Variants in NXPH3 observed in about 807,000 individuals in gnomAD.
NXPH3 encodes the protein neurexophilin 3, also known as neurexophilin-3.
Under a neutral mutation model 18.8 loss-of-function variants are expected in NXPH3, and 7 were observed. The observed-to-expected ratio is 0.37, with a 90% confidence interval of 0.21 to 0.70. The LOEUF is 0.70. NXPH3 is among the 30% of genes least tolerant of loss of function. The pLI, the probability that NXPH3 is intolerant of heterozygous loss-of-function variation, is 0.53. For missense variants in NXPH3, 282 were observed against 338.1 expected (o/e 0.83, Z 1.30); for synonymous variants, 101 against 137.3 (o/e 0.74, Z 1.85).
chr17:49,579,036 C>T lies in NXPH3; in HGVS notation c.495C>T (p.Ile165=), dbSNP rs760932473. 3.3e-5 allele frequency: 53 copies of T among 1,614,032 alleles called. No homozygotes were observed. The Middle Eastern group carries it at 8.2e-4, about 25-fold the overall frequency. ...TCCACCAGGAACAGCAGATCTTCAT[C>T]GAAGCCAAGGCCTCCAAAATCTTCA... ...VEFHQEQQIF[I]EAKASKIFNC... is the part of the protein sequence containing the mutation. Residue 165 remains isoleucine, a synonymous_variant, in exon 2 of 2, where the codon ATC becomes ATT. Transcript: ENST00000328741. The surrounding 1 kb of genome is among the most constrained non-coding windows in gnomAD (Gnocchi z 6.0).
chr17:49,577,599 G>C (rs1947099032), intron 1 of NXPH3, among the ~76,000 whole-genome samples: 1 of 152,214 alleles, frequency 6.6e-6, no homozygotes, highest in Non-Finnish European at 1.5e-5. Context: ...GCAGATTCCA[G>C]AGGCGGATGG....
chr17:49,576,042 G>A lies in NXPH3; in HGVS notation c.-178G>A. ...GCTGGACCAGGGGAGGGGGGCGGCG[G>A]CTGCACAGCTGGACCGAAGGGGGCG... On this transcript the variant is annotated 5_prime_UTR_variant, in exon 1 of 2. Transcript: ENST00000328741. 1 of 627,536 alleles carries A rather than the reference G, an allele frequency of 1.6e-6. No individual in the cohort carries two copies. Among genetic ancestry groups the A allele is most frequent in the Non-Finnish European group, 2.7e-6 (1 of 373,680 alleles). 38.9% of individuals were successfully genotyped at this position (627,536 alleles called of 1,614,324 possible).
In NXPH3 at chr17:49,579,379, A is replaced by G; in HGVS notation, c.*79A>G. 2 of 1,296,644 alleles carry G rather than the reference A, an allele frequency of 1.5e-6. No individual in the cohort carries two copies. Among genetic ancestry groups the G allele is most frequent in the East Asian group, 2.3e-5 (1 of 42,774 alleles). The allele number at this position is 1,296,644 out of a possible 1,614,324, so 80.3% of individuals were successfully genotyped here. A position where few individuals can be genotyped will look rare whatever the true frequency, so the allele number is the denominator to read the frequency against. On this transcript the variant is annotated 3_prime_UTR_variant, in exon 2 of 2. Coordinates refer to ENST00000328741, the MANE Select transcript of NXPH3 (RefSeq NM_007225.4). This position sits in a 1 kb window ranked among gnomAD's most constrained non-coding sequence, Gnocchi z 6.0. ...GCAGGAGACCATCTGGACACCGGGCAGGGAAGGGGTTGGGCCTCAGGCAGG... is the reference window on the plus strand; with the variant it reads ...GCAGGAGACCATCTGGACACCGGGCGGGGAAGGGGTTGGGCCTCAGGCAGG...
rs1466875207 is a variant in NXPH3 at position 49,579,314 on chromosome 17, A to C, written c.*14A>C. ...CCATCTGGGTGACCCGGGGCAGGCC[A>C]CAGAGGCCAGGCCAGGGCTGGAAGG... is the stretch of plus-strand genomic sequence containing the variant. On this transcript the variant is annotated 3_prime_UTR_variant, in exon 2 of 2. Transcript: ENST00000328741. This position sits in a 1 kb window ranked among gnomAD's most constrained non-coding sequence, Gnocchi z 6.0. 6.3e-7 allele frequency: 1 copy of C among 1,587,500 alleles called. No individual in the cohort carries two copies. Among genetic ancestry groups the C allele is most frequent in the Middle Eastern group, 1.7e-4 (1 of 5,942 alleles).
In NXPH3 at chr17:49,579,147, C is replaced by T; in HGVS notation, c.606C>T (p.Asp202=). The change falls in exon 2 of 2, where the codon GAC becomes GAT. Residue 202 remains aspartate, a synonymous_variant. Transcript: ENST00000328741. This position sits in a 1 kb window ranked among gnomAD's most constrained non-coding sequence, Gnocchi z 6.0. The part of the protein sequence containing the change: ...THDPAKICSR[D]HAQSSATWSC... ...ACCCAGCCAAGATCTGCTCCCGAGA[C>T]CACGCTCAGAGCTCAGCCACCTGGA... The T allele has an allele frequency of 6.2e-7, 1 of 1,613,834 alleles. No individual in the cohort carries two copies. Among genetic ancestry groups the T allele is most frequent in the East Asian group, 2.2e-5 (1 of 44,892 alleles).
Position 49,576,105 on chromosome 17 carries a change from G to A in NXPH3, c.-115G>A. The A allele has an allele frequency of 7.4e-7, 1 of 1,345,038 alleles. No individual in the cohort carries two copies. The highest frequency in any genetic ancestry group is 1.4e-5 in the African/African-American group (1 of 69,090). 83.3% of individuals were successfully genotyped at this position (1,345,038 alleles called of 1,614,324 possible). A position where few individuals can be genotyped will look rare whatever the true frequency, so the allele number is the denominator to read the frequency against. On this transcript the variant is annotated 5_prime_UTR_variant, in exon 1 of 2. Coordinates refer to ENST00000328741, the MANE Select transcript of NXPH3 (RefSeq NM_007225.4). ...GGCGACCCGCTGAGGGGAGGGCCGC[G>A]GGCCGCCGGGGACTGGAGCATGGGA...
rs932383249 is a variant in NXPH3, at chr17:49,576,425, G to A, written c.54+152G>A. On this transcript the variant is annotated intron_variant, in intron 1 of 1. Coordinates refer to ENST00000328741, the MANE Select transcript of NXPH3 (RefSeq NM_007225.4). ...GGAGGCTGGGGGAGAGGGCGGGTCC[G>A]AGGCCGGAGACTGGACAGATAGGGT... 1.3e-5 allele frequency: 11 copies of A among 865,818 alleles called. No homozygotes were observed. In the African/African-American group the frequency reaches 1.8e-4, roughly 15 times the overall value. 53.6% of individuals were successfully genotyped at this position (865,818 alleles called of 1,614,324 possible). A position where few individuals can be genotyped will look rare whatever the true frequency, so the allele number is the denominator to read the frequency against.
chr17:49,577,814 TG>T (rs2071578590), intron 1 of NXPH3: 1 of 152,236 alleles, frequency 6.6e-6, no homozygotes. Context: ...CAGTGTACCC[TG>T]GAGAGGTGTT....
In NXPH3 at chr17:49,578,348, G is replaced by A. The variant is rs949216771; in HGVS notation, c.55-248G>A. 1.3e-4 allele frequency among the ~76,000 whole-genome samples: 20 copies of A among 149,952 alleles called. No homozygotes were observed. The highest frequency in any genetic ancestry group is 4.9e-4 in the African/African-American group (20 of 40,768). On this transcript the variant is annotated intron_variant, in intron 1 of 1. Coordinates refer to ENST00000328741, the MANE Select transcript of NXPH3 (RefSeq NM_007225.4). This position sits in a 1 kb window ranked among gnomAD's most constrained non-coding sequence, Gnocchi z 4.5. Reference sequence around the variant, plus strand: ...CTGGAGAGAATTATTGTCGGTCTTTGAGACTTTGAATTTGAATAGTGGCCA... The same window carrying A: ...CTGGAGAGAATTATTGTCGGTCTTTAAGACTTTGAATTTGAATAGTGGCCA...
chr17:49,576,328 A>T, intron 1 of NXPH3, 55 bp downstream of exon 1: 1 of 1,534,268 alleles, frequency 6.5e-7, no homozygotes, highest in Non-Finnish European at 8.8e-7. Context: ...GGATCGGGGG[A>T]GAGCGCGGGA....
chr17:49,581,448 C>G lies in NXPH3; in HGVS notation c.*2148C>G, dbSNP rs748910533. 5.0e-6 allele frequency: 3 copies of G among 604,864 alleles called. No homozygotes were observed. The highest frequency in any genetic ancestry group is 8.9e-6 in the Non-Finnish European group (3 of 338,244). The allele number at this position is 604,864 out of a possible 1,614,324, so 37.5% of individuals were successfully genotyped here. The stretch of plus-strand genomic sequence containing the variant: ...TTCGCCCCTGCCCACCAGCGCTCCG[C>G]GCAAACTGGTCCCCTCATACTGCAG... On this transcript the variant is annotated 3_prime_UTR_variant, in exon 2 of 2. Coordinates refer to ENST00000328741, the MANE Select transcript of NXPH3 (RefSeq NM_007225.4).
chr17:49,581,947 C>G lies in NXPH3; in HGVS notation c.*2647C>G, dbSNP rs2071602846. ...AATAACTTCATTTCACCCTCATGCA[C>G]ACTGCCGCCTCATCCCTCCTTTCCA... On this transcript the variant is annotated 3_prime_UTR_variant, in exon 2 of 2. Transcript: ENST00000328741. The G allele has an allele frequency of 3.3e-6, 2 of 608,046 alleles. No homozygotes were observed. Among genetic ancestry groups the G allele is most frequent in the East Asian group, 5.5e-5 (2 of 36,292 alleles). 37.7% of individuals were successfully genotyped at this position (608,046 alleles called of 1,614,324 possible).
rs913048384 is a variant in NXPH3, at chr17:49,581,620, C to T, written c.*2320C>T. 1.4e-6 allele frequency: 1 copy of T among 702,294 alleles called. No homozygotes were observed. Among genetic ancestry groups the T allele is most frequent in the Non-Finnish European group, 2.6e-6 (1 of 384,908 alleles). 43.5% of individuals were successfully genotyped at this position (702,294 alleles called of 1,614,324 possible). Reference sequence around the variant, plus strand: ...ACACACCCCTCCTCCAGACCACCCTCCGCTCCCCACCCTGGAGGCTTGAGA... The same window carrying T: ...ACACACCCCTCCTCCAGACCACCCTTCGCTCCCCACCCTGGAGGCTTGAGA... On this transcript the variant is annotated 3_prime_UTR_variant, in exon 2 of 2. Coordinates refer to ENST00000328741, the MANE Select transcript of NXPH3 (RefSeq NM_007225.4).
In NXPH3 at chr17:49,582,118, G is replaced by T. The variant is rs1410774733; in HGVS notation, c.*2818G>T. On this transcript the variant is annotated 3_prime_UTR_variant, in exon 2 of 2. Transcript: ENST00000328741. ...CCGCTTGGTCCTCACAAGGGCAAGG[G>T]GTCCATCCAACTTCCTCTGGCTAAG... The T allele has an allele frequency of 9.6e-6, 5 of 519,036 alleles. No individual in the cohort carries two copies. The highest frequency in any genetic ancestry group is 1.0e-5 in the Non-Finnish European group (3 of 297,608). 32.2% of individuals were successfully genotyped at this position (519,036 alleles called of 1,614,324 possible).
At position 49,581,146 on chromosome 17, in the gene NXPH3, G is replaced by C. The variant is rs2071598265; in HGVS notation, c.*1846G>C. The C allele has an allele frequency of 5.6e-6, 1 of 177,864 alleles. No individual in the cohort carries two copies. Among genetic ancestry groups the C allele is most frequent in the Non-Finnish European group, 1.2e-5 (1 of 84,578 alleles). The allele number at this position is 177,864 out of a possible 1,614,324, so 11.0% of individuals were successfully genotyped here. The stretch of plus-strand genomic sequence containing the variant: ...TGACCACATGCCAGTGAAGGAACAG[G>C]CTGGAGTGGGGTGTGGACACAGGGC... On this transcript the variant is annotated 3_prime_UTR_variant, in exon 2 of 2. Coordinates refer to ENST00000328741, the MANE Select transcript of NXPH3 (RefSeq NM_007225.4).
At position 49,575,994 on chromosome 17, in the gene NXPH3, G is replaced by C. The variant is rs1369991079; in HGVS notation, c.-226G>C. ...GCTCGGGGCGCACATCTGGGACCTC[G>C]AGCGGGGGCCGTGCCGCGCGCAGCT... On this transcript the variant is annotated 5_prime_UTR_variant, in exon 1 of 2. Coordinates refer to ENST00000328741, the MANE Select transcript of NXPH3 (RefSeq NM_007225.4). The surrounding 1 kb of genome is among the most constrained non-coding windows in gnomAD (Gnocchi z 4.3). The C allele has an allele frequency of 3.9e-6, 2 of 512,544 alleles. No individual in the cohort carries two copies. Among genetic ancestry groups the C allele is most frequent in the Non-Finnish European group, 6.8e-6 (2 of 295,752 alleles). The allele number at this position is 512,544 out of a possible 1,614,324, so 31.7% of individuals were successfully genotyped here. A position where few individuals can be genotyped will look rare whatever the true frequency, so the allele number is the denominator to read the frequency against.
rs2071587372 is a variant in NXPH3 at position 49,579,198 on chromosome 17, C to T, written c.657C>T (p.Val219=). 1 of 1,611,310 alleles carries T rather than the reference C, an allele frequency of 6.2e-7. No individual in the cohort carries two copies. Among genetic ancestry groups the T allele is most frequent in the African/African-American group, 1.3e-5 (1 of 75,058 alleles). The change falls in exon 2 of 2, where the codon GTC becomes GTT. Residue 219 remains valine (V), a synonymous_variant. Transcript: ENST00000328741. This position sits in a 1 kb window ranked among gnomAD's most constrained non-coding sequence, Gnocchi z 6.0. ...GCTGCTCCCAGCCCTTCAAAGTCGT[C>T]TGTGTCTACATCGCCTTCTACAGCA... ...TWSCSQPFKV[V]CVYIAFYSTD...
rs1484375311 is a variant in NXPH3 at position 49,580,737 on chromosome 17, T to C, written c.*1437T>C. On this transcript the variant is annotated 3_prime_UTR_variant, in exon 2 of 2. Coordinates refer to ENST00000328741, the MANE Select transcript of NXPH3 (RefSeq NM_007225.4). ...ATTTTGCTGCGTGGCCTTGGCCATG[T>C]CCATTCTCCTCTCTGGCTTTCTTTC... 6.6e-6 allele frequency: 1 copy of C among 152,542 alleles called. No homozygotes were observed. Among genetic ancestry groups the C allele is most frequent in the Non-Finnish European group, 1.5e-5 (1 of 68,268 alleles). The allele number at this position is 152,542 out of a possible 1,614,324, so 9.4% of individuals were successfully genotyped here. A position where few individuals can be genotyped will look rare whatever the true frequency, so the allele number is the denominator to read the frequency against.
intron 1 of NXPH3, among the ~76,000 whole-genome samples, chr17:49,577,323 G>A (rs2071576513): frequency 6.6e-6 from 1 of 152,152 alleles, no homozygotes; most frequent in South Asian, 2.1e-4. Context: ...CAGGCATGAG[G>A]ACCCCACAGC....
Sources: allele counts gnomAD v4.1 joint callset (sites outside exome capture counted in the v4.1 genomes callset), GRCh38; gene constraint gnomAD v4.1.1; non-coding constraint Gnocchi (gnomAD v3.1); transcripts MANE v1.5; gene names NCBI Gene and HGNC (gene_info 2026-07-23, HGNC 2026-07-21).